Variants in UBR2 observed in about 807,000 individuals in gnomAD.
The protein encoded by UBR2 is ubiquitin protein ligase E3 component n-recognin 2.
UBR2 carries 92 observed loss-of-function variants against 247.9 expected under a neutral mutation model. The ratio of observed to expected loss-of-function variants is 0.37; its 90% CI spans 0.31 to 0.44. The LOEUF is 0.44. UBR2 is among the 20% of genes least tolerant of loss of function. The pLI is 1.00. For synonymous variants in UBR2, 672 were observed against 693.5 expected (o/e 0.97, Z 0.49); for missense variants, 1,613 against 2,112.6 (o/e 0.76, Z 4.64).
At position 42,658,244 on chromosome 6, in the gene UBR2, T is replaced by C; in HGVS notation, c.2987T>C (p.Phe996Ser). ...CTGATACTTTTTTTTTTGTAGACTT[T>C]TAATGCTGTTAAAAAGATGAGGGAG... ...KDMIRWILKT[F>S]NAVKKMRESS... Residue 996 changes from phenylalanine to serine, a missense_variant, in exon 28 of 47, where the codon TTT becomes TCT. Around this residue, in one of 3 missense-constraint regions of UBR2, gnomAD observed 1,524 missense variants for 1,967.3 expected, o/e 0.77. Transcript: ENST00000372901. 6.2e-7 allele frequency: 1 copy of C among 1,613,804 alleles called. No individual in the cohort carries two copies. The highest frequency in any genetic ancestry group is 1.1e-5 in the South Asian group (1 of 90,976).
intron 4 of UBR2, 43 bp downstream of exon 4, chr6:42,594,347 A>G: frequency 6.7e-7 from 1 of 1,485,118 alleles, no homozygotes; most frequent in Non-Finnish European, 9.4e-7. Flanking sequence ...CAAGTTTGAA[A>G]TATTTTGAGA....
chr6:42,613,864 A>C (rs1006156891), intron 8 of UBR2, among the ~76,000 whole-genome samples: 3 of 151,656 alleles, frequency 2.0e-5, no homozygotes, highest in African/African-American at 7.3e-5. Context: ...GAAAAAGATG[A>C]AAACAGTGAT....
At position 42,607,394 on chromosome 6, in the gene UBR2, C is replaced by A. The variant is rs912449491; in HGVS notation, c.864+743C>A. Among the ~76,000 whole-genome samples, 10 of 152,190 alleles carry A rather than the reference C, an allele frequency of 6.6e-5. No homozygotes were observed. In the East Asian group the frequency reaches 1.7e-3, roughly 26 times the overall value. ...TGTTATCCAGGCTGGTCTCAAACTC[C>A]TGGGCTCAAGTGATCCACCCACCTC... On this transcript the variant is annotated intron_variant, in intron 7 of 46. Coordinates refer to ENST00000372901, the MANE Select transcript of UBR2 (RefSeq NM_001363705.2).
At chr6:42,626,279 A>C (rs1330526548) in intron 11 of UBR2, among the ~76,000 whole-genome samples, 1 of 152,084 alleles carries the variant, frequency 6.6e-6, no homozygotes, top group Non-Finnish European at 1.5e-5. Context: ...TGATGATTTA[A>C]GGCTTAGGTT....
chr6:42,676,106 G>C lies in UBR2; in HGVS notation c.4302G>C (p.Gly1434=). ...CGTTGCAGTGTCAGGATTTTTCAGG[G>C]ATCAGCCTTGGCACTGGAGACCTTC... ...FPALQCQDFS[G]ISLGTGDLHI... is the part of the protein sequence containing the mutation. The change falls in exon 39 of 47, where the codon GGG becomes GGC. Residue 1434 remains glycine (G), a synonymous_variant. Coordinates refer to ENST00000372901, the MANE Select transcript of UBR2 (RefSeq NM_001363705.2). The C allele has an allele frequency of 6.2e-7, 1 of 1,613,516 alleles. No individual in the cohort carries two copies. Among genetic ancestry groups the C allele is most frequent in the Non-Finnish European group, 8.5e-7 (1 of 1,179,896 alleles).
chr6:42,631,860 T>TTATATATATATATATATATATA (rs59218885), intron 11 of UBR2, among the ~76,000 whole-genome samples: 2 of 61,506 alleles, frequency 3.3e-5, no homozygotes, highest in Non-Finnish European at 7.1e-5. Context: ...TACTCTGATT[T>TTATATATATATATATATATATA]TATATATATA....
At chr6:42,581,538 G>C (rs1269976226) in intron 2 of UBR2, among the ~76,000 whole-genome samples, 1 of 152,106 alleles carries the variant, frequency 6.6e-6, no homozygotes, top group Non-Finnish European at 1.5e-5. Context: ...TGCTGCCCAG[G>C]CTCATCTTGA....
intron 25 of UBR2, 117 bp downstream of exon 25, chr6:42,652,762 T>G (rs1367593331): frequency 1.1e-6 from 1 of 946,486 alleles, no homozygotes; most frequent in African/African-American, 1.7e-5. Flanking sequence ...TTTCCTAACT[T>G]GAATATATTG....
rs192976428 is a variant in UBR2 at position 42,614,087 on chromosome 6, G to T, written c.986-984G>T. 1.8e-3 allele frequency among the ~76,000 whole-genome samples: 261 copies of T among 147,324 alleles called. 1 individual carries two copies. The highest frequency in any genetic ancestry group is 3.0e-3 in the Non-Finnish European group (199 of 67,266). The stretch of plus-strand genomic sequence containing the variant: ...AGGTACTTGGGAGGCTGAGGCACAG[G>T]AATTGCGTGAACCCAGGAGGCAGAG... On this transcript the variant is annotated intron_variant, in intron 8 of 46. Coordinates refer to ENST00000372901, the MANE Select transcript of UBR2 (RefSeq NM_001363705.2).
intron 2 of UBR2, among the ~76,000 whole-genome samples, chr6:42,576,370 T>G (rs944017916): frequency 1.3e-5 from 2 of 152,180 alleles, no homozygotes; most frequent in Non-Finnish European, 2.9e-5. Flanking sequence ...AGAGAAAACC[T>G]GATTCTCATT....
intron 1 of UBR2, among the ~76,000 whole-genome samples, chr6:42,567,463 G>A (rs531996170): frequency 5.9e-5 from 9 of 152,208 alleles, no homozygotes; most frequent in Non-Finnish European, 8.8e-5. Flanking sequence ...GGGTGTGGTG[G>A]CTCTTGCCTG....
At chr6:42,599,713 A>G (rs941047664) in intron 4 of UBR2, among the ~76,000 whole-genome samples, 8 of 151,916 alleles carry the variant, frequency 5.3e-5, no homozygotes, top group Admixed American at 2.0e-4. Context: ...AGAGTGGTGC[A>G]ATCATGGCTC....
At position 42,642,408 on chromosome 6, in the gene UBR2, T is replaced by C. The variant is rs1796501951; in HGVS notation, c.2032-8T>C. 1.9e-6 allele frequency: 3 copies of C among 1,585,526 alleles called. No homozygotes were observed. The East Asian group carries it at 7.0e-5, about 37-fold the overall frequency. ...CTATTTACTCAATATAATTACTTTTTTTTTTAGATTTATTACTACCATAAT... is the reference window on the plus strand; with the variant it reads ...CTATTTACTCAATATAATTACTTTTCTTTTTAGATTTATTACTACCATAAT... On this transcript the variant is annotated splice_region_variant and splice_polypyrimidine_tract_variant and intron_variant, in intron 17 of 46. Coordinates refer to ENST00000372901, the MANE Select transcript of UBR2 (RefSeq NM_001363705.2).
intron 11 of UBR2, among the ~76,000 whole-genome samples, chr6:42,629,817 T>C (rs776898630): frequency 1.7e-4 from 26 of 152,226 alleles, no homozygotes; most frequent in Non-Finnish European, 3.5e-4. Flanking sequence ...CTAAGGTCTT[T>C]TATTTTTCTT....
rs1794633336 is a variant in UBR2, at chr6:42,617,465, A to C, written c.1239A>C (p.Ser413=). 2 of 1,557,378 alleles carry C rather than the reference A, an allele frequency of 1.3e-6. No homozygotes were observed. The highest frequency in any genetic ancestry group is 4.8e-5 in the East Asian group (2 of 41,306). The change falls in exon 11 of 47, where the codon TCA becomes TCC. Residue 413 remains serine, a synonymous_variant. Transcript: ENST00000372901. ...YVTDDHDREF[S]VADLSVQIFT... ...CAGATGACCACGACAGAGAGTTTTCAGTCGCAGACCTCTCGGTTCAGATAT... is the reference window on the plus strand; with the variant it reads ...CAGATGACCACGACAGAGAGTTTTCCGTCGCAGACCTCTCGGTTCAGATAT...
Position 42,688,403 on chromosome 6 carries a change from G to A in UBR2, c.5024+17G>A. Reference sequence around the variant, plus strand: ...CTTCCTGAGGTAAGGACCTGCAGGGGCTTTTTAGCTTTGGATCTGCCTCAG... The same window carrying A: ...CTTCCTGAGGTAAGGACCTGCAGGGACTTTTTAGCTTTGGATCTGCCTCAG... On this transcript the variant is annotated intron_variant, in intron 45 of 46. Coordinates refer to ENST00000372901, the MANE Select transcript of UBR2 (RefSeq NM_001363705.2). 1 of 1,610,754 alleles carries A rather than the reference G, an allele frequency of 6.2e-7. No homozygotes were observed. Among genetic ancestry groups the A allele is most frequent in the South Asian group, 1.1e-5 (1 of 90,912 alleles).
At chr6:42,630,857 G>A (rs1326868157) in intron 11 of UBR2, among the ~76,000 whole-genome samples, 1 of 151,984 alleles carries the variant, frequency 6.6e-6, no homozygotes, top group African/African-American at 2.4e-5. Flanking sequence ...TGTCGCCCAG[G>A]CTGGAGTGGC....
intron 7 of UBR2, among the ~76,000 whole-genome samples, chr6:42,608,181 G>T (rs1793838366): frequency 6.6e-6 from 1 of 151,930 alleles, no homozygotes. Context: ...GAGTTTTTAG[G>T]GTATGGACAT....
At chr6:42,607,157 T>G (rs1050968653) in intron 7 of UBR2, among the ~76,000 whole-genome samples, 7 of 151,406 alleles carry the variant, frequency 4.6e-5, no homozygotes, top group Admixed American at 6.6e-5. Context: ...TAAATATTCT[T>G]TTTAAAAAAT....
Sources: gnomAD v4.1 joint callset for allele counts (sites outside exome capture counted in the v4.1 genomes callset) on GRCh38, gnomAD v4.1.1 for gene constraint, gnomAD v4.1.1 regional missense constraint, MANE v1.5 for transcripts, NCBI Gene and HGNC (gene_info 2026-07-23, HGNC 2026-07-21) for gene names.